Variants in TANC2 observed in about 807,000 individuals in gnomAD.
The protein encoded by TANC2 is tetratricopeptide repeat, ankyrin repeat and coiled-coil containing 2.
Under a neutral mutation model 210.5 loss-of-function variants are expected in TANC2, and 26 were observed. The ratio of observed to expected loss-of-function variants is 0.12; its 90% CI spans 0.09 to 0.17. The LOEUF (loss-of-function observed/expected upper bound fraction) is 0.17. Among genes scored for constraint, TANC2 ranks in the 10% least tolerant of loss-of-function variants. The pLI, the probability that TANC2 is intolerant of heterozygous loss-of-function variation, is 1.00. For missense variants in TANC2, 2,129 were observed against 2,608.9 expected (o/e 0.82, Z 4.01); for synonymous variants, 931 against 967.1 (o/e 0.96, Z 0.69).
At chr17:63,356,129 A>T (rs1205601620) in intron 14 of TANC2, among the ~76,000 whole-genome samples, 1 of 151,892 alleles carries the variant, frequency 6.6e-6, no homozygotes, top group East Asian at 1.9e-4. Context: ...TTACCCCAGC[A>T]CTCTTTCCCA....
chr17:63,139,223 C>T (rs1016160159), intron 4 of TANC2, among the ~76,000 whole-genome samples: 9 of 152,218 alleles, frequency 5.9e-5, no homozygotes, highest in African/African-American at 1.2e-4. Flanking sequence ...TGTAATGCCA[C>T]TTGTGTCCTT....
chr17:63,087,684 C>A lies in TANC2; in HGVS notation c.140-11491C>A, dbSNP rs139383423. Reference sequence around the variant, plus strand: ...ATAGTGCTCCAGGAGATAAAACTCACAAAAGATTGGGGCCCCTCTGAAACT... The same window carrying A: ...ATAGTGCTCCAGGAGATAAAACTCAAAAAAGATTGGGGCCCCTCTGAAACT... On this transcript the variant is annotated intron_variant, in intron 3 of 27. Coordinates refer to ENST00000689528, the Ensembl canonical transcript of TANC2. 4.6e-5 allele frequency among the ~76,000 whole-genome samples: 7 copies of A among 152,244 alleles called. No homozygotes were observed. In the East Asian group the frequency reaches 1.4e-3, roughly 29 times the overall value.
chr17:63,009,437 T>A, intron 1 of TANC2, 100 bp from the exon 2 acceptor site: 1 of 734,850 alleles, frequency 1.4e-6, no homozygotes, highest in South Asian at 1.8e-5. Context: ...GTTGTACCCT[T>A]TAAGTTATTA....
chr17:63,183,853 G>A (rs781307702), intron 5 of TANC2, among the ~76,000 whole-genome samples: 2 of 151,884 alleles, frequency 1.3e-5, no homozygotes, highest in Non-Finnish European at 2.9e-5. Context: ...CCATCTCTAC[G>A]AAAAATACAA....
At chr17:63,067,762 A>G (rs540619202) in intron 2 of TANC2, among the ~76,000 whole-genome samples, 1 of 152,274 alleles carries the variant, frequency 6.6e-6, no homozygotes, top group East Asian at 1.9e-4. Context: ...ATCCAAATCT[A>G]AACAATAGAG....
chr17:63,360,092 G>A (rs1289406847), intron 14 of TANC2, among the ~76,000 whole-genome samples: 1 of 152,232 alleles, frequency 6.6e-6, no homozygotes, highest in Admixed American at 6.5e-5. Context: ...AAAAATAACT[G>A]TGCCAGAGGT....
intron 5 of TANC2, among the ~76,000 whole-genome samples, chr17:63,190,768 G>C (rs1289209561): frequency 6.6e-6 from 1 of 152,088 alleles, no homozygotes; most frequent in Non-Finnish European, 1.5e-5. Flanking sequence ...CACACAATAT[G>C]GATGAAACTC....
chr17:63,013,595 C>T (rs1704166), intron 2 of TANC2, among the ~76,000 whole-genome samples: 2 of 152,034 alleles, frequency 1.3e-5, no homozygotes, highest in African/African-American at 4.8e-5. Context: ...AATCCAGTCT[C>T]TATTAAAAAT....
At chr17:63,379,229 T>C (rs2147075882) in intron 14 of TANC2, among the ~76,000 whole-genome samples, 1 of 152,296 alleles carries the variant, frequency 6.6e-6, no homozygotes, top group Non-Finnish European at 1.5e-5. Flanking sequence ...ATACATGTGA[T>C]TTGGATAAGG....
intron 7 of TANC2, among the ~76,000 whole-genome samples, chr17:63,217,967 A>G (rs895106833): frequency 1.3e-5 from 2 of 152,090 alleles, no homozygotes; most frequent in African/African-American, 4.8e-5. Context: ...GAAAAACTGT[A>G]TGATCATCTG....
At chr17:63,322,090 A>G (rs1214836192) in intron 11 of TANC2, among the ~76,000 whole-genome samples, 2 of 152,194 alleles carry the variant, frequency 1.3e-5, no homozygotes, top group Non-Finnish European at 2.9e-5. Flanking sequence ...TCAGTAGTAC[A>G]TCCTCATCTA....
At chr17:63,214,138 A>T (rs534434036) in intron 7 of TANC2, among the ~76,000 whole-genome samples, 8 of 152,330 alleles carry the variant, frequency 5.3e-5, no homozygotes, top group South Asian at 2.1e-4. Context: ...CAGCCTGGTG[A>T]GTATTATCTC....
intron 1 of TANC2, among the ~76,000 whole-genome samples, chr17:63,003,442 A>G (rs2033475920): frequency 2.0e-5 from 3 of 152,234 alleles, no homozygotes; most frequent in South Asian, 4.1e-4. Context: ...AACTGATCTG[A>G]TAACCAGGGT....
intron 14 of TANC2, among the ~76,000 whole-genome samples, chr17:63,369,487 CCT>C (rs1315940832): frequency 2.0e-5 from 3 of 151,920 alleles, no homozygotes; most frequent in African/African-American, 7.3e-5. Flanking sequence ...CACAAGGACT[CCT>C]CTTCCTTTTT....
chr17:63,256,634 C>G (rs972917294), intron 8 of TANC2, among the ~76,000 whole-genome samples: 1 of 152,106 alleles, frequency 6.6e-6, no homozygotes, highest in African/African-American at 2.4e-5. Flanking sequence ...CAGATTAAGT[C>G]GAATGTTTCT....
At chr17:63,121,283 ACTTCTGTGAGGTTTCT>A (rs901116745) in intron 4 of TANC2, among the ~76,000 whole-genome samples, 6 of 152,138 alleles carry the variant, frequency 3.9e-5, no homozygotes, top group Non-Finnish European at 7.4e-5. Flanking sequence ...GGACAGGTTA[ACTTCTGTGAGGTTTCT>A]CTTCTATAAG....
chr17:63,406,838 T>C (rs1188226419), intron 21 of TANC2, among the ~76,000 whole-genome samples: 1 of 152,216 alleles, frequency 6.6e-6, no homozygotes, highest in African/African-American at 2.4e-5. Context: ...TTGGTTGCTG[T>C]GACCTCTATC....
chr17:62,982,590 A>G (rs755878801), intron 1 of TANC2, among the ~76,000 whole-genome samples: 17 of 152,004 alleles, frequency 1.1e-4, no homozygotes, highest in Non-Finnish European at 1.5e-4. Flanking sequence ...ATGCATCCCA[A>G]TCTCTGACCA....
At chr17:63,160,484 T>C (rs2039989978) in intron 5 of TANC2, among the ~76,000 whole-genome samples, 1 of 152,240 alleles carries the variant, frequency 6.6e-6, no homozygotes, top group African/African-American at 2.4e-5. Context: ...TAACAACTAT[T>C]CCATCATTTT....
Sources: allele counts gnomAD v4.1 joint callset (sites outside exome capture counted in the v4.1 genomes callset), GRCh38; gene constraint gnomAD v4.1.1; transcripts MANE v1.5; gene names NCBI Gene and HGNC (gene_info 2026-07-23, HGNC 2026-07-21).